Variants in SH3GL1 observed in about 807,000 individuals in gnomAD.
SH3GL1 encodes SH3 domain containing GRB2 like 1, endophilin A2.
SH3GL1 carries 21 observed loss-of-function variants against 48.8 expected under a neutral mutation model. That is an observed-to-expected ratio of 0.43 (90% CI 0.30 to 0.62). The LOEUF is 0.62. SH3GL1 is among the 20% of genes least tolerant of loss of function. The pLI is 0.11. For missense variants in SH3GL1, 454 were observed against 503.0 expected, an observed-to-expected ratio of 0.90 and a Z score of 0.93; for synonymous variants, 282 against 217.5, an observed-to-expected ratio of 1.30 and a Z score of -2.61.
Position 4,367,432 on chromosome 19 carries a change from A to T in SH3GL1, c.46-438T>A, listed in dbSNP as rs926342597. ...GTATGTGGGGTCTACTTAAAAAAAA[A>T]AATCCTGCCAGCTTGGCTGGGAGAG... On this transcript the variant is annotated intron_variant, in intron 1 of 9. Transcript: ENST00000269886. The surrounding 1 kb of genome is among the most constrained non-coding windows in gnomAD (Gnocchi z 4.2). Among the ~76,000 whole-genome samples the T allele has an allele frequency of 2.0e-5, 3 of 152,092 alleles. No homozygotes were observed. The highest frequency in any genetic ancestry group is 2.9e-5 in the Non-Finnish European group (2 of 68,000).
At chr19:4,378,687 C>A (rs554212099) in intron 1 of SH3GL1, among the ~76,000 whole-genome samples, 260 of 152,128 alleles carry the variant, frequency 1.7e-3, no homozygotes, top group African/African-American at 6.1e-3. Context: ...TGTACTCCAG[C>A]CTGGGCAACA....
intron 4 of SH3GL1, 56 bp from the exon 5 acceptor site, chr19:4,364,277 G>A: frequency 1.9e-6 from 3 of 1,606,902 alleles, no homozygotes; most frequent in South Asian, 1.1e-5. Flanking sequence ...ACTAGACTGA[G>A]ACACTCCTCA....
intron 1 of SH3GL1, among the ~76,000 whole-genome samples, chr19:4,390,799 C>T (rs144134520): frequency 3.3e-5 from 5 of 152,038 alleles, no homozygotes; most frequent in Non-Finnish European, 5.9e-5. Flanking sequence ...ACTTAAAGAC[C>T]TCAGGGGCTT....
intron 1 of SH3GL1, among the ~76,000 whole-genome samples, chr19:4,398,201 C>T (rs1973457776): frequency 1.3e-5 from 2 of 152,012 alleles, no homozygotes; most frequent in African/African-American, 4.8e-5. Flanking sequence ...TTACTGGGGA[C>T]TCGTTTCTCT....
intron 1 of SH3GL1, among the ~76,000 whole-genome samples, chr19:4,394,755 C>T (rs759619384): frequency 3.9e-5 from 6 of 152,184 alleles, no homozygotes; most frequent in Admixed American, 1.3e-4. Flanking sequence ...GAAAGGACAC[C>T]GTAAGAACCC....
At position 4,385,435 on chromosome 19, in the gene SH3GL1, C is replaced by T. The variant is rs1476310540; in HGVS notation, c.45+14889G>A. 4.6e-5 allele frequency among the ~76,000 whole-genome samples: 7 copies of T among 152,332 alleles called. No homozygotes were observed. The East Asian group carries it at 5.8e-4, about 13-fold the overall frequency. ...TGAATGCAGTAAGAGGCAACCTCTCCTGGAAGGAGGGCGACCCCCTACCGG... is the reference window on the plus strand; with the variant it reads ...TGAATGCAGTAAGAGGCAACCTCTCTTGGAAGGAGGGCGACCCCCTACCGG... On this transcript the variant is annotated intron_variant, in intron 1 of 9. Coordinates refer to ENST00000269886, the MANE Select transcript of SH3GL1 (RefSeq NM_003025.4).
intron 1 of SH3GL1, among the ~76,000 whole-genome samples, chr19:4,391,139 C>T (rs1186698839): frequency 1.3e-5 from 2 of 152,282 alleles, no homozygotes; most frequent in Non-Finnish European, 2.9e-5. Flanking sequence ...GACACACACA[C>T]AGACATCTGA....
At chr19:4,364,888 GTGTGTGTGTGTATA>G (rs951685455) in intron 4 of SH3GL1, among the ~76,000 whole-genome samples, 8 of 96,874 alleles carry the variant, frequency 8.3e-5, no homozygotes, top group African/African-American at 3.4e-4. Flanking sequence ...GTGTGTGTGT[GTGTGTGTGTGTATA>G]TATATATATA....
chr19:4,399,445 G>A (rs1973482055), intron 1 of SH3GL1, among the ~76,000 whole-genome samples: 1 of 151,974 alleles, frequency 6.6e-6, no homozygotes, highest in Non-Finnish European at 1.5e-5. Context: ...GGCAAGGAGG[G>A]AGGGAGGAAG....
At chr19:4,392,880 G>A (rs1973362962) in intron 1 of SH3GL1, among the ~76,000 whole-genome samples, 2 of 152,080 alleles carry the variant, frequency 1.3e-5, no homozygotes, top group Non-Finnish European at 2.9e-5. Flanking sequence ...AGCAGAGGTT[G>A]CAGTGAGACA....
At position 4,361,096 on chromosome 19, in the gene SH3GL1, G is replaced by C. The variant is rs1012241692; in HGVS notation, c.*504C>G. 4.0e-6 allele frequency: 1 copy of C among 246,932 alleles called. No individual in the cohort carries two copies. Among genetic ancestry groups the C allele is most frequent in the African/African-American group, 2.2e-5 (1 of 45,518 alleles). The allele number at this position is 246,932 out of a possible 1,614,324, so 15.3% of individuals were successfully genotyped here. ...GTGCATTGGCCCTGGAGTAGGGCCA[G>C]GGCCCATCACCAGCACCAGGCTGGG... On this transcript the variant is annotated 3_prime_UTR_variant, in exon 10 of 10. Transcript: ENST00000269886.
intron 4 of SH3GL1, 23 bp from the exon 5 acceptor site, chr19:4,364,244 GC>G: frequency 6.2e-7 from 1 of 1,613,664 alleles, no homozygotes; most frequent in Non-Finnish European, 8.5e-7. Context: ...GGTGGGGGAA[GC>G]CATCATACCG....
intron 7 of SH3GL1, 21 bp downstream of exon 7, chr19:4,363,349 A>C: frequency 6.4e-7 from 1 of 1,568,006 alleles, no homozygotes; most frequent in Non-Finnish European, 8.7e-7. Context: ...GACTCTGGAG[A>C]GACCAAGGCC....
chr19:4,382,240 G>A (rs1294966287), intron 1 of SH3GL1, among the ~76,000 whole-genome samples: 3 of 150,994 alleles, frequency 2.0e-5, no homozygotes, highest in Non-Finnish European at 4.4e-5. Context: ...AGCAGGGGAA[G>A]GTGCTCCGCT....
chr19:4,382,416 C>G (rs948960322), intron 1 of SH3GL1, among the ~76,000 whole-genome samples: 2 of 151,912 alleles, frequency 1.3e-5, no homozygotes, highest in East Asian at 3.9e-4. Flanking sequence ...CACTACCACG[C>G]CCGGCTAATT....
At chr19:4,369,780 A>G (rs1413972293) in intron 1 of SH3GL1, among the ~76,000 whole-genome samples, 3 of 152,214 alleles carry the variant, frequency 2.0e-5, no homozygotes, top group South Asian at 2.1e-4. Flanking sequence ...CCCTCTGCTC[A>G]GCTCCAGCCA....
chr19:4,363,552 A>G (rs1972684765), intron 6 of SH3GL1, 79 bp from the exon 7 acceptor site: 6 of 1,481,014 alleles, frequency 4.1e-6, no homozygotes, highest in Non-Finnish European at 5.6e-6. Flanking sequence ...GTGAAGCCAC[A>G]GGAGGCAAGG....
chr19:4,394,535 T>C (rs1973392454), intron 1 of SH3GL1, among the ~76,000 whole-genome samples: 1 of 152,120 alleles, frequency 6.6e-6, no homozygotes, highest in South Asian at 2.1e-4. Context: ...ACTCACAAAC[T>C]GCCCACTCAA....
chr19:4,389,019 G>A lies in SH3GL1; in HGVS notation c.45+11305C>T, dbSNP rs1463278277. Among the ~76,000 whole-genome samples the A allele has an allele frequency of 6.6e-6, 1 of 152,218 alleles. No individual in the cohort carries two copies. The highest frequency in any genetic ancestry group is 1.5e-5 in the Non-Finnish European group (1 of 68,040). On this transcript the variant is annotated intron_variant, in intron 1 of 9. Transcript: ENST00000269886. This position sits in a 1 kb window ranked among gnomAD's most constrained non-coding sequence, Gnocchi z 4.5. ...CTCCCTGGTGCTGTGACACGGCCTGGTCAGATGCCTGGCCAGCGGACCAGG... is the reference window on the plus strand; with the variant it reads ...CTCCCTGGTGCTGTGACACGGCCTGATCAGATGCCTGGCCAGCGGACCAGG...
Sources: gnomAD v4.1 joint callset for allele counts (sites outside exome capture counted in the v4.1 genomes callset) on GRCh38, gnomAD v4.1.1 for gene constraint, Gnocchi (gnomAD v3.1) non-coding constraint, MANE v1.5 for transcripts, NCBI Gene and HGNC (gene_info 2026-07-23, HGNC 2026-07-21) for gene names.